Variants in STK33 observed in about 807,000 individuals in gnomAD.
STK33 encodes serine/threonine-protein kinase 33.
A neutral mutation model predicts 58.0 loss-of-function variants in STK33; 52 were observed. That is an observed-to-expected ratio of 0.90 (90% confidence interval 0.72 to 1.13). STK33 has a LOEUF of 1.13. Ranked by LOEUF, STK33 falls within the 50% of genes most tolerant of loss-of-function variation. The pLI is 0.00. For missense variants in STK33, 630 were observed against 604.2 expected (o/e 1.04, Z -0.45); for synonymous variants, 215 against 200.1 (o/e 1.07, Z -0.63).
At position 8,392,539 on chromosome 11, in the gene STK33, C is replaced by T. The variant is rs373984158; in HGVS notation, c.1516G>A (p.Ala506Thr). The T allele has an allele frequency of 1.5e-4, 247 of 1,598,754 alleles. No homozygotes were observed. Among genetic ancestry groups the T allele is most frequent in the Non-Finnish European group, 1.9e-4 (221 of 1,168,200 alleles). ...AGTTTCTTTTTGGTTCTGGACAGGG[C>T]GCCGGATTTAGCAGGGTACTTGGTT... is the stretch of plus-strand genomic sequence containing the variant. ...TATKYPAKSGALSRTKKKL is the reference protein window; with the variant it reads ...TATKYPAKSGTLSRTKKKL The change falls in exon 16 of 16, where the codon GCC becomes ACC. Residue 506 changes from alanine (A) to threonine (T), a missense_variant. Physicochemically the swap from Ala to Thr is moderately conservative, Grantham distance 58 (BLOSUM62 0). Transcript: ENST00000687296.
intron 6 of STK33, among the ~76,000 whole-genome samples, chr11:8,472,841 C>T (rs1349966849): frequency 6.6e-6 from 1 of 152,126 alleles, no homozygotes; most frequent in Non-Finnish European, 1.5e-5. Flanking sequence ...ATTACCTGGT[C>T]CATCTCTGCA....
chr11:8,489,470 G>C (rs543769507), intron 1 of STK33, among the ~76,000 whole-genome samples: 2 of 152,202 alleles, frequency 1.3e-5, no homozygotes, highest in South Asian at 2.1e-4. Flanking sequence ...CTAGGAAGTC[G>C]AAGAGCATGG....
intron 11 of STK33, among the ~76,000 whole-genome samples, chr11:8,449,206 A>T (rs1027154277): frequency 1.3e-5 from 2 of 151,670 alleles, no homozygotes; most frequent in Non-Finnish European, 2.9e-5. Flanking sequence ...TAGTTCAACC[A>T]TTGTGGAAGA....
intron 1 of STK33, among the ~76,000 whole-genome samples, chr11:8,520,573 A>G (rs896988793): frequency 1.3e-5 from 2 of 152,218 alleles, no homozygotes; most frequent in African/African-American, 4.8e-5. Flanking sequence ...TGCAGATGAC[A>G]TGATTGTATA....
intron 5 of STK33, 42 bp from the exon 6 acceptor site, chr11:8,473,318 G>T (rs781350530): frequency 1.7e-6 from 2 of 1,187,360 alleles, no homozygotes; most frequent in East Asian, 2.4e-5. Flanking sequence ...ACTTTAAGAT[G>T]TAATATTCTT....
intron 6 of STK33, among the ~76,000 whole-genome samples, chr11:8,470,613 G>A (rs1948686655): frequency 6.6e-6 from 1 of 152,152 alleles, no homozygotes; most frequent in Admixed American, 6.5e-5. Context: ...TCCTCATTAG[G>A]CTTAATCATT....
At chr11:8,583,170 T>C (rs1306218520) in intron 1 of STK33, among the ~76,000 whole-genome samples, 1 of 152,238 alleles carries the variant, frequency 6.6e-6, no homozygotes, top group Admixed American at 6.5e-5. Context: ...AACAGGTTTC[T>C]GCCTTTCAGA....
At chr11:8,587,893 T>A (rs2031965862) in intron 1 of STK33, among the ~76,000 whole-genome samples, 1 of 152,242 alleles carries the variant, frequency 6.6e-6, no homozygotes. Flanking sequence ...AACAGGCCAA[T>A]TATCTTAGTT....
intron 1 of STK33, among the ~76,000 whole-genome samples, chr11:8,575,334 C>A (rs1958102407): frequency 6.6e-6 from 1 of 152,100 alleles, no homozygotes; most frequent in East Asian, 1.9e-4. Context: ...TTACAATAGC[C>A]AATAGACACA....
At chr11:8,426,325 G>A (rs921508032) in intron 14 of STK33, among the ~76,000 whole-genome samples, 6 of 152,314 alleles carry the variant, frequency 3.9e-5, no homozygotes, top group Non-Finnish European at 4.4e-5. Context: ...GCCCTATGCC[G>A]CGGAGTGACT....
At chr11:8,405,880 C>T (rs962487313) in intron 15 of STK33, among the ~76,000 whole-genome samples, 8 of 152,008 alleles carry the variant, frequency 5.3e-5, no homozygotes, top group African/African-American at 1.2e-4. Context: ...CGGTGGCTCA[C>T]GCCTGTAATC....
chr11:8,406,141 T>TAAA (rs1939143846), intron 15 of STK33, among the ~76,000 whole-genome samples: 1 of 30,418 alleles, frequency 3.3e-5, no homozygotes, highest in Non-Finnish European at 5.4e-5. Flanking sequence ...AGACTCCGTC[T>TAAA]CAAAAAAAAA....
intron 1 of STK33, among the ~76,000 whole-genome samples, chr11:8,525,245 T>A (rs1953927211): frequency 6.6e-6 from 1 of 152,200 alleles, no homozygotes; most frequent in African/African-American, 2.4e-5. Flanking sequence ...TATATGCATA[T>A]GTGTTGAACA....
At chr11:8,578,606 T>TCACA (rs141622141) in intron 1 of STK33, among the ~76,000 whole-genome samples, 1 of 150,858 alleles carries the variant, frequency 6.6e-6, no homozygotes, top group African/African-American at 2.4e-5. Context: ...TACGTGTAAT[T>TCACA]CACACACACA....
At chr11:8,376,762 G>A in the STK33 span, among the ~76,000 whole-genome samples, 1 of 151,864 alleles carries the variant, frequency 6.6e-6, no homozygotes, top group Non-Finnish European at 1.5e-5. Flanking sequence ...GGATGGTCTT[G>A]ATCTCCTAAT....
intron 15 of STK33, among the ~76,000 whole-genome samples, chr11:8,394,420 G>A (rs1849004539): frequency 6.6e-6 from 1 of 152,180 alleles, no homozygotes; most frequent in African/African-American, 2.4e-5. Flanking sequence ...TGGATTTTGA[G>A]TTATCATCCA....
chr11:8,438,441 C>T (rs866503562), intron 12 of STK33, among the ~76,000 whole-genome samples: 6 of 152,132 alleles, frequency 3.9e-5, no homozygotes, highest in South Asian at 4.2e-4. Context: ...TCAAAGGTAA[C>T]GGATAAACAA....
intron 1 of STK33, among the ~76,000 whole-genome samples, chr11:8,518,756 T>A (rs1171876691): frequency 6.6e-6 from 1 of 152,206 alleles, no homozygotes; most frequent in Non-Finnish European, 1.5e-5. Flanking sequence ...GGCCATTACT[T>A]AATGGTAAAG....
chr11:8,488,557 G>C (rs1289596866), intron 1 of STK33, among the ~76,000 whole-genome samples: 1 of 152,036 alleles, frequency 6.6e-6, no homozygotes, highest in Non-Finnish European at 1.5e-5. Context: ...GGCAAAGAAT[G>C]GGTGATTTAT....
Sources: gnomAD v4.1 joint callset for allele counts (sites outside exome capture counted in the v4.1 genomes callset) on GRCh38, gnomAD v4.1.1 for gene constraint, MANE v1.5 for transcripts, NCBI Gene and HGNC (gene_info 2026-07-23, HGNC 2026-07-21) for gene names.